Variants in TBCK observed in about 807,000 individuals in gnomAD.
TBCK encodes TBC1 domain containing kinase, also known as TBC domain-containing protein kinase-like protein.
TBCK carries 99 observed loss-of-function variants against 113.4 expected under a neutral mutation model. The ratio of observed to expected loss-of-function variants is 0.87; its 90% CI spans 0.74 to 1.03. The LOEUF (loss-of-function observed/expected upper bound fraction) is 1.03, where lower values mean the gene tolerates loss of function less well. Among genes scored for constraint, TBCK ranks in the 50% least tolerant of loss-of-function variants. TBCK has a pLI of 0.00. For missense variants in TBCK, 1,045 were observed against 1,061.3 expected (o/e 0.98, Z 0.21); for synonymous variants, 369 against 370.8 (o/e 1.00, Z 0.05).
At chr4:106,121,675 T>C (rs985192696) in intron 23 of TBCK, among the ~76,000 whole-genome samples, 2 of 152,056 alleles carry the variant, frequency 1.3e-5, no homozygotes, top group African/African-American at 4.8e-5. Context: ...ACAAACTATC[T>C]CTCAGACCAC....
At chr4:106,142,810 T>C (rs1446520774) in intron 23 of TBCK, among the ~76,000 whole-genome samples, 1 of 152,164 alleles carries the variant, frequency 6.6e-6, no homozygotes, top group African/African-American at 2.4e-5. Context: ...CTATAGACTT[T>C]CTGGTGGAAA....
At chr4:106,316,611 C>T (rs1335840610), upstream of TBCK, 2 of 1,550,326 alleles carry the variant, frequency 1.3e-6, no homozygotes, top group Non-Finnish European at 1.7e-6. Flanking sequence ...GACGTCGTGG[C>T]GGGTCACTCA....
At chr4:106,073,285 T>C (rs1210343351) in intron 25 of TBCK, among the ~76,000 whole-genome samples, 1 of 152,212 alleles carries the variant, frequency 6.6e-6, no homozygotes, top group Non-Finnish European at 1.5e-5. Flanking sequence ...GGGGTTTTGG[T>C]GTGGATGCCC....
At chr4:106,188,267 T>G (rs577468352) in intron 22 of TBCK, among the ~76,000 whole-genome samples, 186 of 152,332 alleles carry the variant, frequency 1.2e-3, no homozygotes, top group Non-Finnish European at 2.4e-3. Context: ...TACATTTTGG[T>G]CCTTACATTC....
intron 19 of TBCK, among the ~76,000 whole-genome samples, chr4:106,221,361 AATTT>A (rs1224199442): frequency 1.3e-5 from 2 of 152,110 alleles, no homozygotes; most frequent in Non-Finnish European, 2.9e-5. Flanking sequence ...AAAATATATA[AATTT>A]ATTTTATGTA....
At chr4:106,212,299 C>T (rs1756240353) in intron 20 of TBCK, among the ~76,000 whole-genome samples, 1 of 152,136 alleles carries the variant, frequency 6.6e-6, no homozygotes, top group Non-Finnish European at 1.5e-5. Flanking sequence ...AGTCACGCTA[C>T]AGCTAACGTT....
intron 23 of TBCK, among the ~76,000 whole-genome samples, chr4:106,150,894 T>G (rs993799660): frequency 5.9e-5 from 9 of 151,946 alleles, no homozygotes; most frequent in Non-Finnish European, 1.2e-4. Context: ...ACAAATATAT[T>G]GAGAACATAC....
chr4:106,218,325 T>C (rs917625262), intron 19 of TBCK, among the ~76,000 whole-genome samples: 3 of 150,646 alleles, frequency 2.0e-5, no homozygotes, highest in Admixed American at 6.6e-5. Context: ...ACTTCATGTC[T>C]AAAACACCAA....
rs552012553 is a variant in TBCK, at chr4:106,215,723, T to C, written c.1775-2888A>G. Among the ~76,000 whole-genome samples, 544 of 151,704 alleles carry C rather than the reference T, an allele frequency of 3.6e-3. 1 individual carries two copies. The highest frequency in any genetic ancestry group is 5.4e-3 in the Non-Finnish European group (369 of 67,884). On this transcript the variant is annotated intron_variant, in intron 19 of 25. Transcript: ENST00000394708. ...GCACCCAGATTCATAAAGCAAGTCCTGAGTGACCTACAAAGAGACTTAGAC... is the reference window on the plus strand; with the variant it reads ...GCACCCAGATTCATAAAGCAAGTCCCGAGTGACCTACAAAGAGACTTAGAC...
chr4:106,289,169 G>A (rs922021639), intron 3 of TBCK, among the ~76,000 whole-genome samples: 37 of 152,150 alleles, frequency 2.4e-4, no homozygotes, highest in African/African-American at 8.9e-4. Context: ...ATATTCTAGT[G>A]CAAATCTTTT....
At chr4:106,151,108 A>T (rs1415707440) in intron 23 of TBCK, among the ~76,000 whole-genome samples, 1 of 151,946 alleles carries the variant, frequency 6.6e-6, no homozygotes, top group Non-Finnish European at 1.5e-5. Context: ...ATTACATGAG[A>T]TATTTTGATA....
At chr4:106,067,390 T>A (rs900782532) in intron 25 of TBCK, among the ~76,000 whole-genome samples, 3 of 152,136 alleles carry the variant, frequency 2.0e-5, no homozygotes, top group African/African-American at 7.2e-5. Flanking sequence ...GCATATTGAT[T>A]TTGTATTCTG....
chr4:106,249,830 T>G (rs1389621231), intron 7 of TBCK, among the ~76,000 whole-genome samples: 1 of 152,138 alleles, frequency 6.6e-6, no homozygotes, highest in Non-Finnish European at 1.5e-5. Context: ...TTTGTAAATG[T>G]TTTTAACTTG....
chr4:106,308,812 T>A lies in TBCK; in HGVS notation c.149A>T (p.His50Leu). 1.2e-6 allele frequency: 2 copies of A among 1,614,110 alleles called. No individual in the cohort carries two copies. Among genetic ancestry groups the A allele is most frequent in the South Asian group, 2.2e-5 (2 of 91,076 alleles). Reference protein sequence around the residue: ...GRFQILKTITHPRLCQYVDIS... With the variant: ...GRFQILKTITLPRLCQYVDIS... ...ATCCACATACTGGCAGAGTCTGGGA[T>A]GGGTGATGGTTTTAAGGATTTGAAA... Residue 50 changes from histidine (H) to leucine (L), a missense_variant, in exon 2 of 26, where the codon CAT (histidine) becomes CTT (leucine). Coordinates refer to ENST00000394708, the MANE Select transcript of TBCK (RefSeq NM_001163435.3).
chr4:106,315,880 C>T (rs1350047464), intron 1 of TBCK, 51 bp downstream of exon 1: 1 of 152,856 alleles, frequency 6.5e-6, no homozygotes, highest in African/African-American at 2.4e-5. Context: ...CTCTACCTCC[C>T]ACAGACCCCA....
intron 10 of TBCK, among the ~76,000 whole-genome samples, chr4:106,246,489 A>T (rs773314220): frequency 6.6e-6 from 1 of 152,060 alleles, no homozygotes; most frequent in Non-Finnish European, 1.5e-5. Context: ...CTTATCAATA[A>T]TATTATTTTT....
chr4:106,239,249 T>A (rs535753262), intron 12 of TBCK, among the ~76,000 whole-genome samples: 1 of 151,966 alleles, frequency 6.6e-6, no homozygotes, highest in Non-Finnish European at 1.5e-5. Context: ...CTGTCTCATG[T>A]TGGGGAGGAG....
intron 24 of TBCK, among the ~76,000 whole-genome samples, chr4:106,102,875 A>G (rs1041058606): frequency 6.6e-6 from 1 of 152,202 alleles, no homozygotes; most frequent in African/African-American, 2.4e-5. Flanking sequence ...GCGGCAAGAG[A>G]GAAATAAAAC....
intron 3 of TBCK, among the ~76,000 whole-genome samples, chr4:106,283,221 T>C (rs554067507): frequency 6.6e-6 from 1 of 152,262 alleles, no homozygotes; most frequent in East Asian, 1.9e-4. Flanking sequence ...GCCACATATT[T>C]ACTAAATGGA....
Sources: allele counts gnomAD v4.1 joint callset (sites outside exome capture counted in the v4.1 genomes callset), GRCh38; gene constraint gnomAD v4.1.1; transcripts MANE v1.5; gene names NCBI Gene and HGNC (gene_info 2026-07-23, HGNC 2026-07-21).